Variants in TXK observed in about 807,000 individuals in gnomAD.
TXK encodes tyrosine-protein kinase TXK.
A neutral mutation model predicts 81.0 loss-of-function variants in TXK; 60 were observed. The ratio of observed to expected loss-of-function variants is 0.74; its 90% CI spans 0.60 to 0.92. TXK has a LOEUF of 0.92. Ranked by LOEUF, TXK falls within the 40% of genes least tolerant of loss-of-function variation. TXK has a pLI of 0.00. For missense variants in TXK, 581 were observed against 638.3 expected, an observed-to-expected ratio of 0.91 and a Z score of 0.97; for synonymous variants, 203 against 210.7, an observed-to-expected ratio of 0.96 and a Z score of 0.32.
chr4:48,097,036 TATAAA>T (rs1166475592), intron 6 of TXK, among the ~76,000 whole-genome samples: 1 of 151,886 alleles, frequency 6.6e-6, no homozygotes, highest in Admixed American at 6.6e-5. Context: ...GATTAAAAAC[TATAAA>T]ATAAGCCCAA....
In TXK at chr4:48,066,529, T is replaced by A. The variant is rs544408934; in HGVS notation, c.*1108A>T. 6.6e-6 allele frequency: 1 copy of A among 152,352 alleles called. No individual in the cohort carries two copies. Among genetic ancestry groups the A allele is most frequent in the South Asian group, 2.1e-4 (1 of 4,826 alleles). 9.4% of individuals were successfully genotyped at this position (152,352 alleles called of 1,614,324 possible). The stretch of plus-strand genomic sequence containing the variant: ...AAACTCTAATGAGAATCATAAAGCT[T>A]GTTCCCAGAGAACCATGATACAGGG... On this transcript the variant is annotated 3_prime_UTR_variant, in exon 15 of 15. Transcript: ENST00000264316.
intron 1 of TXK, among the ~76,000 whole-genome samples, chr4:48,133,909 G>A (rs1475122782): frequency 1.3e-5 from 2 of 151,946 alleles, no homozygotes; most frequent in Non-Finnish European, 1.5e-5. Flanking sequence ...ACACACATAT[G>A]CAGATTTCTG....
At chr4:48,107,705 C>G (rs1189705377) in intron 5 of TXK, among the ~76,000 whole-genome samples, 1 of 151,950 alleles carries the variant, frequency 6.6e-6, no homozygotes, top group Non-Finnish European at 1.5e-5. Flanking sequence ...TCTCCCTCCC[C>G]TTGCCGCCCT....
chr4:48,127,280 C>T (rs1303212980), intron 1 of TXK, among the ~76,000 whole-genome samples: 1 of 152,220 alleles, frequency 6.6e-6, no homozygotes, highest in African/African-American at 2.4e-5. Flanking sequence ...TCTTTATTTA[C>T]AGGTTGAAGT....
intron 1 of TXK, among the ~76,000 whole-genome samples, chr4:48,121,527 G>C (rs1462244242): frequency 6.6e-6 from 1 of 152,184 alleles, no homozygotes; most frequent in Non-Finnish European, 1.5e-5. Flanking sequence ...AAAATCCATA[G>C]ATGCTTAAGA....
intron 5 of TXK, among the ~76,000 whole-genome samples, chr4:48,107,679 C>A (rs1180039867): frequency 1.3e-5 from 2 of 151,968 alleles, no homozygotes; most frequent in Admixed American, 1.3e-4. Context: ...CATCCATTAG[C>A]TCTTCTTCCT....
chr4:48,095,138 C>G lies in TXK; in HGVS notation c.581+5G>C. 6.2e-7 allele frequency: 1 copy of G among 1,608,838 alleles called. No individual in the cohort carries two copies. Reference sequence around the variant, plus strand: ...TCTATAGTAACCAAAATCACAAGTGCTTACCTTCTAGCTCCCATAAATACG... The same window carrying G: ...TCTATAGTAACCAAAATCACAAGTGGTTACCTTCTAGCTCCCATAAATACG... On this transcript the variant is annotated splice_donor_5th_base_variant and intron_variant, in intron 7 of 14. Transcript: ENST00000264316.
In TXK at chr4:48,071,708, G is replaced by T. The variant is rs775257501; in HGVS notation, c.1358-34C>A. 1.7e-5 allele frequency: 28 copies of T among 1,606,638 alleles called. No individual in the cohort carries two copies. The African/African-American group carries it at 3.2e-4, about 18-fold the overall frequency. ...AAAAATGCAGGAAAACAAGGGGTTA[G>T]AGAGAAATGATTGCTTGGGAACTGA... On this transcript the variant is annotated intron_variant, in intron 13 of 14. Transcript: ENST00000264316.
chr4:48,114,696 G>A (rs1439481799), intron 1 of TXK, among the ~76,000 whole-genome samples: 1 of 152,160 alleles, frequency 6.6e-6, no homozygotes, highest in African/African-American at 2.4e-5. Context: ...CAGGGCTAAT[G>A]TTCGCTAACA....
intron 1 of TXK, among the ~76,000 whole-genome samples, chr4:48,125,759 C>T (rs1202828088): frequency 6.6e-6 from 1 of 152,178 alleles, no homozygotes; most frequent in Non-Finnish European, 1.5e-5. Context: ...AAGGAACTGG[C>T]TCAGGCAGTT....
intron 1 of TXK, among the ~76,000 whole-genome samples, chr4:48,124,429 T>C (rs759013775): frequency 6.6e-6 from 1 of 152,116 alleles, no homozygotes; most frequent in Non-Finnish European, 1.5e-5. Flanking sequence ...CCTTTTTTTT[T>C]TATTTTTAAT....
At chr4:48,100,171 CAA>C (rs11341305) in intron 6 of TXK, among the ~76,000 whole-genome samples, 2,635 of 53,774 alleles carry the variant, frequency 0.049, 5 homozygotes, top group Non-Finnish European at 0.054. Flanking sequence ...GACTCCATCT[CAA>C]AAAAAAAAAA....
intron 14 of TXK, among the ~76,000 whole-genome samples, chr4:48,070,439 T>A (rs935800467): frequency 1.3e-5 from 2 of 152,302 alleles, no homozygotes; most frequent in South Asian, 2.1e-4. Context: ...CCCATTACTA[T>A]TAGCGTTGGA....
chr4:48,115,897 A>G (rs1718799970), intron 1 of TXK, among the ~76,000 whole-genome samples: 2 of 152,050 alleles, frequency 1.3e-5, no homozygotes, highest in Non-Finnish European at 2.9e-5. Context: ...AGGATATTTT[A>G]TTTTCATAGA....
At chr4:48,093,938 T>C in intron 8 of TXK, 139 bp downstream of exon 8, 1 of 1,213,418 alleles carries the variant, frequency 8.2e-7, no homozygotes, top group South Asian at 1.3e-5. Flanking sequence ...AGATAATTGC[T>C]CAAAAGATAA....
intron 1 of TXK, among the ~76,000 whole-genome samples, chr4:48,131,486 G>C (rs989735557): frequency 2.8e-4 from 42 of 151,876 alleles, no homozygotes; most frequent in African/African-American, 9.2e-4. Context: ...AATACATCTT[G>C]AGGCATCACT....
At chr4:48,069,891 G>A (rs1175945183) in intron 14 of TXK, among the ~76,000 whole-genome samples, 1 of 151,954 alleles carries the variant, frequency 6.6e-6, no homozygotes, top group Non-Finnish European at 1.5e-5. Flanking sequence ...CTCCTAAAAC[G>A]GCTGCTTATT....
At chr4:48,120,792 A>G (rs1659737793) in intron 1 of TXK, among the ~76,000 whole-genome samples, 1 of 152,044 alleles carries the variant, frequency 6.6e-6, no homozygotes, top group African/African-American at 2.4e-5. Flanking sequence ...CTCCGGCCCT[A>G]GAAATAAGGC....
In TXK at chr4:48,067,666, C is replaced by T. The variant is rs778918085; in HGVS notation, c.1555G>A (p.Ala519Thr). 2.5e-6 allele frequency: 4 copies of T among 1,613,960 alleles called. No homozygotes were observed. In the Admixed American group the frequency reaches 5.0e-5, roughly 20 times the overall value. The change falls in exon 15 of 15, where the codon GCT becomes ACT. Residue 519 changes from alanine (A) to threonine (T), a missense_variant. By Grantham distance (58) the Ala-to-Thr change is moderately conservative. Coordinates refer to ENST00000264316, the MANE Select transcript of TXK (RefSeq NM_003328.3). ...CAGGTTTCCGCAATCTCTGTGACAG[C>T]CCGCAGCAGCTCGGCAAATGTAGGG... ...GRPTFAELLR[A>T]VTEIAETW is the part of the protein sequence containing the mutation.
Sources: gnomAD v4.1 joint callset for allele counts (sites outside exome capture counted in the v4.1 genomes callset) on GRCh38, gnomAD v4.1.1 for gene constraint, MANE v1.5 for transcripts, NCBI Gene and HGNC (gene_info 2026-07-23, HGNC 2026-07-21) for gene names.